Variants in CFAP299 observed in about 807,000 individuals in gnomAD.
The protein encoded by CFAP299 is cilia and flagella associated protein 299.
In CFAP299, 21 loss-of-function variants were observed where a neutral mutation model predicts 27.0. That is an observed-to-expected ratio of 0.78 (90% CI 0.55 to 1.12). The LOEUF (loss-of-function observed/expected upper bound fraction) is 1.12, where lower values mean the gene tolerates loss of function less well. Ranked by LOEUF, CFAP299 falls within the 50% of genes most tolerant of loss-of-function variation. The pLI is 0.00. For missense variants in CFAP299, 310 were observed against 276.6 expected (o/e 1.12, Z -0.86); for synonymous variants, 104 against 98.1 (o/e 1.06, Z -0.36).
intron 2 of CFAP299, among the ~76,000 whole-genome samples, chr4:80,375,894 G>T (rs1724383173): frequency 6.6e-6 from 1 of 152,186 alleles, no homozygotes; most frequent in Admixed American, 6.5e-5. Context: ...GAAGGTGTCA[G>T]CTGACTCTAC....
At chr4:80,404,946 A>G (rs1726340224) in intron 2 of CFAP299, among the ~76,000 whole-genome samples, 1 of 152,056 alleles carries the variant, frequency 6.6e-6, no homozygotes, top group African/African-American at 2.4e-5. Context: ...AACGCTTCTT[A>G]TTTTCTGATA....
chr4:80,617,281 A>G (rs1161512673), intron 3 of CFAP299, among the ~76,000 whole-genome samples: 2 of 152,126 alleles, frequency 1.3e-5, no homozygotes, highest in African/African-American at 4.8e-5. Context: ...TTGCTAAGAA[A>G]CATGTCATAT....
rs138632992 is a variant in CFAP299 at position 80,583,919 on chromosome 4, T to C, written c.333+736T>C. On this transcript the variant is annotated intron_variant, in intron 3 of 5. Transcript: ENST00000358105. ...AAATTTAGAGCAACAGAAAAATATG[T>C]ATATAAGGAGATCTATTCTACCAAT... Among the ~76,000 whole-genome samples the C allele has an allele frequency of 1.5e-3, 233 of 151,986 alleles. 1 individual carries two copies. Among genetic ancestry groups the C allele is most frequent in the Admixed American group, 9.8e-3 (149 of 15,216 alleles).
intron 2 of CFAP299, among the ~76,000 whole-genome samples, chr4:80,373,481 T>G (rs1724252856): frequency 6.6e-6 from 1 of 152,152 alleles, no homozygotes; most frequent in Non-Finnish European, 1.5e-5. Flanking sequence ...AAAAACTGAA[T>G]GATATATGGC....
At chr4:80,606,640 T>G (rs557518063) in intron 3 of CFAP299, among the ~76,000 whole-genome samples, 6 of 152,202 alleles carry the variant, frequency 3.9e-5, no homozygotes, top group Non-Finnish European at 8.8e-5. Context: ...TTTTCCATAT[T>G]AGAAATAATG....
chr4:80,924,684 A>G (rs181856504), intron 4 of CFAP299, among the ~76,000 whole-genome samples: 2 of 151,348 alleles, frequency 1.3e-5, no homozygotes, highest in Non-Finnish European at 1.5e-5. Context: ...TTGCTTTCCA[A>G]GGTGTATAAC....
chr4:80,749,571 G>A (rs973672046), intron 3 of CFAP299, among the ~76,000 whole-genome samples: 2 of 152,186 alleles, frequency 1.3e-5, no homozygotes, highest in Admixed American at 6.5e-5. Context: ...TCAAAACTCA[G>A]GAAGCTGACA....
chr4:80,706,384 A>G (rs1185260601), intron 3 of CFAP299, among the ~76,000 whole-genome samples: 1 of 151,818 alleles, frequency 6.6e-6, no homozygotes, highest in African/African-American at 2.4e-5. Context: ...CTATCCAGCT[A>G]GAATAAACTT....
chr4:80,371,347 T>C (rs976980834), intron 2 of CFAP299, among the ~76,000 whole-genome samples: 5 of 152,198 alleles, frequency 3.3e-5, no homozygotes, highest in Admixed American at 1.3e-4. Context: ...TGAGGCCTTT[T>C]CCCCATTATC....
chr4:80,560,992 C>G (rs1029639475), intron 2 of CFAP299, among the ~76,000 whole-genome samples: 1 of 152,126 alleles, frequency 6.6e-6, no homozygotes, highest in Non-Finnish European at 1.5e-5. Flanking sequence ...AGAGTGGTTA[C>G]ATCACGCCTT....
rs1315831990 is a variant in CFAP299, at chr4:80,387,104, C to T, written c.242+24220C>T. On this transcript the variant is annotated intron_variant, in intron 2 of 5. Coordinates refer to ENST00000358105, the MANE Select transcript of CFAP299 (RefSeq NM_152770.3). ...CGGTCTGCAGGTGATGCTCCAGGGC[C>T]TCTGGGGTGGATATTTGTTGACACG... 5 of 1,445,072 alleles carry T rather than the reference C, an allele frequency of 3.5e-6. No homozygotes were observed. In the African/African-American group the frequency reaches 4.2e-5, roughly 12 times the overall value. The allele number at this position is 1,445,072 out of a possible 1,614,324, so 89.5% of individuals were successfully genotyped here.
rs143856383 is a variant in CFAP299 at position 80,885,194 on chromosome 4, C to T, written c.476+15059C>T. ...CCAGCCCTAGCCAGATGGCAATTGCCCATCCCAGCAATTGGAACCTGACTT... is the reference window on the plus strand; with the variant it reads ...CCAGCCCTAGCCAGATGGCAATTGCTCATCCCAGCAATTGGAACCTGACTT... On this transcript the variant is annotated intron_variant, in intron 4 of 5. Coordinates refer to ENST00000358105, the MANE Select transcript of CFAP299 (RefSeq NM_152770.3). 7.2e-5 allele frequency among the ~76,000 whole-genome samples: 11 copies of T among 152,278 alleles called. No individual in the cohort carries two copies. The East Asian group carries it at 1.9e-3, about 27-fold the overall frequency.
chr4:80,823,913 AG>A (rs1281570831), intron 3 of CFAP299, among the ~76,000 whole-genome samples: 1 of 152,164 alleles, frequency 6.6e-6, no homozygotes, highest in Non-Finnish European at 1.5e-5. Context: ...CTGCTGTGTA[AG>A]GGTTTGCTAT....
intron 2 of CFAP299, among the ~76,000 whole-genome samples, chr4:80,368,846 A>G (rs1476626617): frequency 6.6e-6 from 1 of 152,238 alleles, no homozygotes; most frequent in South Asian, 2.1e-4. Context: ...AGTTATTCTC[A>G]TGGTTTGTTG....
At chr4:80,351,165 A>C (rs547111263) in intron 1 of CFAP299, among the ~76,000 whole-genome samples, 1 of 152,178 alleles carries the variant, frequency 6.6e-6, no homozygotes, top group Non-Finnish European at 1.5e-5. Flanking sequence ...GGAAAATTAT[A>C]TATAAGCAGG....
At chr4:80,670,095 C>A (rs1200174281) in intron 3 of CFAP299, among the ~76,000 whole-genome samples, 1 of 151,972 alleles carries the variant, frequency 6.6e-6, no homozygotes, top group Admixed American at 6.6e-5. Flanking sequence ...CCCATTAACT[C>A]GTCATTTACA....
At chr4:80,323,021 C>G in the CFAP299 span, among the ~76,000 whole-genome samples, 18 of 152,166 alleles carry the variant, frequency 1.2e-4, no homozygotes, top group Admixed American at 6.5e-5. Flanking sequence ...AAAAATACAT[C>G]CTCAAGCCAG....
chr4:80,818,773 G>A (rs1423921827), intron 3 of CFAP299, among the ~76,000 whole-genome samples: 1 of 152,126 alleles, frequency 6.6e-6, no homozygotes, highest in African/African-American at 2.4e-5. Context: ...GTTGTCATAT[G>A]AAAATGTCAT....
rs562974770 is a variant in CFAP299, at chr4:80,843,649, C to T, written c.334-26344C>T. Among the ~76,000 whole-genome samples, 27 of 152,226 alleles carry T rather than the reference C, an allele frequency of 1.8e-4. No individual in the cohort carries two copies. In the South Asian group the frequency reaches 2.5e-3, roughly 14 times the overall value. On this transcript the variant is annotated intron_variant, in intron 3 of 5. Coordinates refer to ENST00000358105, the MANE Select transcript of CFAP299 (RefSeq NM_152770.3). ...TTCTAGTTCTAGATCCCTGAGGAATCGCCACACTGTCTTCCACAATGGCTG... is the reference window on the plus strand; with the variant it reads ...TTCTAGTTCTAGATCCCTGAGGAATTGCCACACTGTCTTCCACAATGGCTG...
Sources: allele counts gnomAD v4.1 joint callset (sites outside exome capture counted in the v4.1 genomes callset), GRCh38; gene constraint gnomAD v4.1.1; transcripts MANE v1.5; gene names NCBI Gene and HGNC (gene_info 2026-07-23, HGNC 2026-07-21).